Variants in USP19 observed in about 807,000 individuals in gnomAD.
USP19 encodes ubiquitin carboxyl-terminal hydrolase 19.
USP19 carries 40 observed loss-of-function variants against 144.8 expected under a neutral mutation model. That is an observed-to-expected ratio of 0.28 (90% CI 0.21 to 0.36). USP19 has a LOEUF of 0.36. Ranked by LOEUF, USP19 falls within the 10% of genes least tolerant of loss-of-function variation. The probability of loss-of-function intolerance (pLI) is 1.00; values close to 1 mark genes in which losing one functional copy is unlikely to be tolerated. For synonymous variants in USP19, 701 were observed against 709.3 expected (o/e 0.99, Z 0.19); for missense variants, 1,518 against 1,822.5 (o/e 0.83, Z 3.04).
In USP19 at chr3:49,117,985, C is replaced by G. The variant is rs761816638; in HGVS notation, c.260G>C (p.Gly87Ala). ...CTCCTCTTGAGGAGTGGATGCTGAC[C>G]CTGACGATGAAGGAAAGAACAGCCG... is the stretch of plus-strand genomic sequence containing the variant. ...RTRLFFPSSS[G>A]SASTPQEEQT... Residue 87 changes from glycine (G) to alanine (A), a missense_variant, in exon 3 of 27, where the codon GGG becomes GCG. Around this residue, in one of 5 missense-constraint regions of USP19, gnomAD observed 707 missense variants for 728.9 expected, o/e 0.97. Coordinates refer to ENST00000417901, the MANE Select transcript of USP19 (RefSeq NM_001199161.2). This position sits in a 1 kb window ranked among gnomAD's most constrained non-coding sequence, Gnocchi z 4.4. 17 of 1,609,548 alleles carry G rather than the reference C, an allele frequency of 1.1e-5. No homozygotes were observed. The East Asian group carries it at 2.0e-4, about 19-fold the overall frequency.
rs559453636 is a variant in USP19 at position 49,112,415 on chromosome 3, G to A, written c.2647-13C>T. ...GCACCTGGGGGCGCTAGGGTGGGTC[G>A]TCTGGCTCAGCAAGACCAGGAAGAA... is the stretch of plus-strand genomic sequence containing the variant. On this transcript the variant is annotated splice_polypyrimidine_tract_variant and intron_variant, in intron 18 of 26. Coordinates refer to ENST00000417901, the MANE Select transcript of USP19 (RefSeq NM_001199161.2). The surrounding 1 kb of genome is among the most constrained non-coding windows in gnomAD (Gnocchi z 4.9). The A allele has an allele frequency of 3.3e-5, 54 of 1,613,930 alleles. No homozygotes were observed. Among genetic ancestry groups the A allele is most frequent in the Non-Finnish European group, 4.1e-5 (48 of 1,179,948 alleles).
At position 49,116,524 on chromosome 3, in the gene USP19, C is replaced by T. The variant is rs370736724; in HGVS notation, c.1210G>A (p.Val404Met). The T allele has an allele frequency of 5.9e-5, 95 of 1,614,120 alleles. No individual in the cohort carries two copies. Among genetic ancestry groups the T allele is most frequent in the Non-Finnish European group, 7.5e-5 (89 of 1,180,046 alleles). ...GPDSVVVHVY[V>M]KEICRDTSRV... ...GAGGTGTCCCTGCAGATCTCCTTCA[C>T]GTACACGTGCACCACCACTGAATCC... is the stretch of plus-strand genomic sequence containing the variant. The change falls in exon 8 of 27, where the codon GTG (valine) becomes ATG (methionine). Residue 404 changes from valine (V) to methionine (M), a missense_variant. By Grantham distance (21) the Val-to-Met change is conservative. This residue lies in a region of USP19 where 707 missense variants were observed against 728.9 expected (regional missense o/e 0.97). Coordinates refer to ENST00000417901, the MANE Select transcript of USP19 (RefSeq NM_001199161.2). The surrounding 1 kb of genome is among the most constrained non-coding windows in gnomAD (Gnocchi z 5.0).
chr3:49,111,026 G>A lies in USP19; in HGVS notation c.3469C>T (p.Arg1157Trp), dbSNP rs748538179. 22 of 1,613,880 alleles carry A rather than the reference G, an allele frequency of 1.4e-5. No individual in the cohort carries two copies. The highest frequency in any genetic ancestry group is 2.2e-5 in the East Asian group (1 of 44,894). ...TGGTCCAGGGTGAAGTGGCCGGCCC[G>A]GGCAGCCTCACCGGCAGAGCCTGGA... ...EDPGSAGEAA[R>W]AGHFTLDQCL... Residue 1157 changes from arginine (R) to tryptophan (W), a missense_variant, in exon 23 of 27, where the codon CGG becomes TGG. By Grantham distance (101) the Arg-to-Trp change is moderately radical. Transcript: ENST00000417901. The surrounding 1 kb of genome is among the most constrained non-coding windows in gnomAD (Gnocchi z 5.9).
At chr3:49,113,893 C>T in intron 17 of USP19, 99 bp downstream of exon 17, 1 of 1,302,284 alleles carries the variant, frequency 7.7e-7, no homozygotes, top group Non-Finnish European at 1.1e-6. Flanking sequence ...TGTGCCCAGC[C>T]CATGTGTATG....
chr3:49,117,215 A>T lies in USP19; in HGVS notation c.753T>A (p.Arg251=). Residue 251 remains arginine, a synonymous_variant, in exon 6 of 27, where the codon CGT becomes CGA. Coordinates refer to ENST00000417901, the MANE Select transcript of USP19 (RefSeq NM_001199161.2). The surrounding 1 kb of genome is among the most constrained non-coding windows in gnomAD (Gnocchi z 4.4). ...EARNQKRAQG[R]GEVGAGAGPG... ...GGCCAGCCCCTGCGCCTACCTCACC[A>T]CGGCCCTGGGCCCGCTTCTGGTTCC... The T allele has an allele frequency of 6.5e-7, 1 of 1,548,118 alleles. No individual in the cohort carries two copies. Among genetic ancestry groups the T allele is most frequent in the Non-Finnish European group, 8.7e-7 (1 of 1,147,288 alleles).
Position 49,118,513 on chromosome 3 carries a change from G to A in USP19, c.125-393C>T, listed in dbSNP as rs949290665. Among the ~76,000 whole-genome samples, 12 of 151,598 alleles carry A rather than the reference G, an allele frequency of 7.9e-5. 1 individual carries two copies. The highest frequency in any genetic ancestry group is 7.9e-4 in the Admixed American group (12 of 15,224). ...AGGCAGCAGAATCACTTGAACCCGG[G>A]AGGCAGAGCCCGCAGTGAGCCAAGA... On this transcript the variant is annotated intron_variant, in intron 2 of 26. Transcript: ENST00000417901.
At position 49,114,353 on chromosome 3, in the gene USP19, G is replaced by A; in HGVS notation, c.2293-69C>T. ...GAGATAAGATGCTCATGCTCAGAGA[G>A]CCCATTCCGGGGCTTCTGATGGCTC... On this transcript the variant is annotated intron_variant, in intron 15 of 26. Coordinates refer to ENST00000417901, the MANE Select transcript of USP19 (RefSeq NM_001199161.2). This position sits in a 1 kb window ranked among gnomAD's most constrained non-coding sequence, Gnocchi z 4.5. 2 of 1,480,962 alleles carry A rather than the reference G, an allele frequency of 1.4e-6. No individual in the cohort carries two copies. The highest frequency in any genetic ancestry group is 1.4e-5 in the African/African-American group (1 of 71,836). 91.7% of individuals were successfully genotyped at this position (1,480,962 alleles called of 1,614,324 possible). A position where few individuals can be genotyped will look rare whatever the true frequency, so the allele number is the denominator to read the frequency against.
In USP19 at chr3:49,108,422, T is replaced by A; in HGVS notation, c.4145A>T (p.Glu1382Val). Reference sequence around the variant, plus strand: ...TCAGCCAGGGACCTGCTAATCCACCTCCTCCATGTTGCTGTAGGTGGGGGC... The same window carrying A: ...TCAGCCAGGGACCTGCTAATCCACCACCTCCATGTTGCTGTAGGTGGGGGC... ...RPAPTYSNME[E>V]VD The change falls in exon 27 of 27, where the codon GAG (glutamate) becomes GTG (valine). Residue 1382 changes from glutamate (E) to valine (V), a missense_variant. Around this residue, in one of 5 missense-constraint regions of USP19, gnomAD observed 118 missense variants for 100.2 expected, o/e 1.18. Coordinates refer to ENST00000417901, the MANE Select transcript of USP19 (RefSeq NM_001199161.2). The surrounding 1 kb of genome is among the most constrained non-coding windows in gnomAD (Gnocchi z 4.8). 1.4e-6 allele frequency: 2 copies of A among 1,391,140 alleles called. No individual in the cohort carries two copies. The highest frequency in any genetic ancestry group is 1.9e-6 in the Non-Finnish European group (2 of 1,057,322). 86.2% of individuals were successfully genotyped at this position (1,391,140 alleles called of 1,614,324 possible). A position where few individuals can be genotyped will look rare whatever the true frequency, so the allele number is the denominator to read the frequency against.
chr3:49,111,129 C>G lies in USP19; in HGVS notation c.3366G>C (p.Leu1122=), dbSNP rs746600848. 2 of 1,613,804 alleles carry G rather than the reference C, an allele frequency of 1.2e-6. No homozygotes were observed. Among genetic ancestry groups the G allele is most frequent in the Admixed American group, 1.7e-5 (1 of 60,024 alleles). The part of the protein sequence containing the change: ...TPLELGDDCS[L]ALVWRNNERL... ...GCTCATTGTTCCGCCAGACGAGAGCCAGGCTACAGTCGTCACCCAGCTCCA... is the reference window on the plus strand; with the variant it reads ...GCTCATTGTTCCGCCAGACGAGAGCGAGGCTACAGTCGTCACCCAGCTCCA... Residue 1122 remains leucine, a synonymous_variant, in exon 23 of 27, where the codon CTG becomes CTC. Coordinates refer to ENST00000417901, the MANE Select transcript of USP19 (RefSeq NM_001199161.2). This position sits in a 1 kb window ranked among gnomAD's most constrained non-coding sequence, Gnocchi z 5.9.
Position 49,108,656 on chromosome 3 carries a change from GAGAC to G in USP19, c.4039-132_4039-129del, listed in dbSNP as rs1397417291. ...GGCAGGCGCAGACAGCAGCGGCGTT[GAGAC>G]AGAGAGACGAGATTGGGCCTGAATA... On this transcript the variant is annotated intron_variant, in intron 26 of 26. Transcript: ENST00000417901. This position sits in a 1 kb window ranked among gnomAD's most constrained non-coding sequence, Gnocchi z 4.8. 1.6e-6 allele frequency: 2 copies of G among 1,284,214 alleles called. No homozygotes were observed. Among genetic ancestry groups the G allele is most frequent in the Non-Finnish European group, 2.0e-6 (2 of 1,014,910 alleles). 79.6% of individuals were successfully genotyped at this position (1,284,214 alleles called of 1,614,324 possible). A position where few individuals can be genotyped will look rare whatever the true frequency, so the allele number is the denominator to read the frequency against.
chr3:49,116,893 G>C lies in USP19; in HGVS notation c.960C>G (p.Cys320Trp). The part of the protein sequence containing the change: ...LCIPPLNSQT[C>W]LLGSEENLAP... The stretch of plus-strand genomic sequence containing the variant: ...CTAAATTCTCCTCTGAGCCCAGGAG[G>C]CAGGTTTGGGAGTTCAGCGGTGGTA... Residue 320 changes from cysteine to tryptophan, a missense_variant, in exon 7 of 27, where the codon TGC becomes TGG. Cys to Trp is a radical substitution (Grantham distance 215). This residue lies in a region of USP19 where 707 missense variants were observed against 728.9 expected (regional missense o/e 0.97). Coordinates refer to ENST00000417901, the MANE Select transcript of USP19 (RefSeq NM_001199161.2). This position sits in a 1 kb window ranked among gnomAD's most constrained non-coding sequence, Gnocchi z 5.0. 2 of 1,614,062 alleles carry C rather than the reference G, an allele frequency of 1.2e-6. No homozygotes were observed. The highest frequency in any genetic ancestry group is 1.7e-6 in the Non-Finnish European group (2 of 1,180,028).
Position 49,117,208 on chromosome 3 carries a change from C to A in USP19, c.760G>T (p.Val254Leu), listed in dbSNP as rs2044302738. The stretch of plus-strand genomic sequence containing the variant: ...GCCCCGGGGCCAGCCCCTGCGCCTA[C>A]CTCACCACGGCCCTGGGCCCGCTTC... ...NQKRAQGRGE[V>L]GAGAGPGAQA... The change falls in exon 6 of 27, where the codon GTA (valine) becomes TTA (leucine). Residue 254 changes from valine (V) to leucine (L), a missense_variant. Around this residue, in one of 5 missense-constraint regions of USP19, gnomAD observed 707 missense variants for 728.9 expected, o/e 0.97. Coordinates refer to ENST00000417901, the MANE Select transcript of USP19 (RefSeq NM_001199161.2). This position sits in a 1 kb window ranked among gnomAD's most constrained non-coding sequence, Gnocchi z 4.4. 3 of 1,548,262 alleles carry A rather than the reference C, an allele frequency of 1.9e-6. No individual in the cohort carries two copies. Among genetic ancestry groups the A allele is most frequent in the Non-Finnish European group, 2.6e-6 (3 of 1,147,264 alleles).
rs1415721800 is a variant in USP19 at position 49,108,715 on chromosome 3, G to A, written c.4039-187C>T. ...GGTTTTATTAACACTTTTAAGTACAGGAAGTAGCTTGGGCAGGGCCAAGCC... is the reference window on the plus strand; with the variant it reads ...GGTTTTATTAACACTTTTAAGTACAAGAAGTAGCTTGGGCAGGGCCAAGCC... On this transcript the variant is annotated intron_variant, in intron 26 of 26. Coordinates refer to ENST00000417901, the MANE Select transcript of USP19 (RefSeq NM_001199161.2). The surrounding 1 kb of genome is among the most constrained non-coding windows in gnomAD (Gnocchi z 4.8). The A allele has an allele frequency of 7.4e-7, 1 of 1,348,774 alleles. No homozygotes were observed. Among genetic ancestry groups the A allele is most frequent in the African/African-American group, 1.5e-5 (1 of 67,476 alleles). 83.6% of individuals were successfully genotyped at this position (1,348,774 alleles called of 1,614,324 possible).
chr3:49,120,256 G>A (rs2044981041), intron 1 of USP19, among the ~76,000 whole-genome samples: 1 of 152,334 alleles, frequency 6.6e-6, no homozygotes, highest in East Asian at 1.9e-4. Flanking sequence ...GTGTGTAAAG[G>A]AGGAAGGAGG....
Position 49,114,330 on chromosome 3 carries a change from G to A in USP19, c.2293-46C>T, listed in dbSNP as rs1335045791. The A allele has an allele frequency of 1.3e-6, 2 of 1,575,364 alleles. No individual in the cohort carries two copies. The highest frequency in any genetic ancestry group is 1.7e-6 in the Non-Finnish European group (2 of 1,147,406). ...CTGGGTAGCTGCACACAGAGTGGGAGATAAGATGCTCATGCTCAGAGAGCC... is the reference window on the plus strand; with the variant it reads ...CTGGGTAGCTGCACACAGAGTGGGAAATAAGATGCTCATGCTCAGAGAGCC... On this transcript the variant is annotated intron_variant, in intron 15 of 26. Transcript: ENST00000417901. This position sits in a 1 kb window ranked among gnomAD's most constrained non-coding sequence, Gnocchi z 4.5.
chr3:49,119,193 C>T lies in USP19; in HGVS notation c.-48G>A, dbSNP rs367714212. 21 of 1,590,282 alleles carry T rather than the reference C, an allele frequency of 1.3e-5. No homozygotes were observed. The highest frequency in any genetic ancestry group is 5.2e-5 in the Admixed American group (3 of 57,972). On this transcript the variant is annotated 5_prime_UTR_variant, in exon 2 of 27. Transcript: ENST00000417901. Reference sequence around the variant, plus strand: ...CAGAGTGCCCCGGGGTCGGCAACAGCGTCTGGGTCAGGGCTGCGGCGCTTT... The same window carrying T: ...CAGAGTGCCCCGGGGTCGGCAACAGTGTCTGGGTCAGGGCTGCGGCGCTTT...
Position 49,108,864 on chromosome 3 carries a change from A to C in USP19, c.4039-336T>G. On this transcript the variant is annotated intron_variant, in intron 26 of 26. Transcript: ENST00000417901. The surrounding 1 kb of genome is among the most constrained non-coding windows in gnomAD (Gnocchi z 4.8). ...CCTCTCCCACCAGATGCATAAGCTG[A>C]GGCCCAAAGCCCAGAGGTGTTCCCC... is the stretch of plus-strand genomic sequence containing the variant. The C allele has an allele frequency of 6.8e-7, 1 of 1,477,450 alleles. No individual in the cohort carries two copies. Among genetic ancestry groups the C allele is most frequent in the Non-Finnish European group, 9.0e-7 (1 of 1,112,924 alleles). The allele number at this position is 1,477,450 out of a possible 1,614,324, so 91.5% of individuals were successfully genotyped here.
At position 49,116,492 on chromosome 3, in the gene USP19, T is replaced by C. The variant is rs934542275; in HGVS notation, c.1242A>G (p.Val414=). 4.3e-6 allele frequency: 7 copies of C among 1,614,108 alleles called. No homozygotes were observed. Among genetic ancestry groups the C allele is most frequent in the Non-Finnish European group, 5.1e-6 (6 of 1,180,044 alleles). ...GCGTGAAGTCCTGCTCACGGAAAAGTACTCTTGAGGTGTCCCTGCAGATCT... is the reference window on the plus strand; with the variant it reads ...GCGTGAAGTCCTGCTCACGGAAAAGCACTCTTGAGGTGTCCCTGCAGATCT... The part of the protein sequence containing the change: ...VKEICRDTSR[V]LFREQDFTLI... The change falls in exon 8 of 27, where the codon GTA becomes GTG. Residue 414 remains valine (V), a synonymous_variant. Coordinates refer to ENST00000417901, the MANE Select transcript of USP19 (RefSeq NM_001199161.2). This position sits in a 1 kb window ranked among gnomAD's most constrained non-coding sequence, Gnocchi z 5.0.
chr3:49,112,400 G>T lies in USP19; in HGVS notation c.2649C>A (p.Arg883=). 1 of 1,613,992 alleles carries T rather than the reference G, an allele frequency of 6.2e-7. No homozygotes were observed. The highest frequency in any genetic ancestry group is 8.5e-7 in the Non-Finnish European group (1 of 1,179,944). ...AGATGGGGACGCTGGGCACCTGGGG[G>T]CGCTAGGGTGGGTCGTCTGGCTCAG... ...ERVVVLEVQQ[R]PQVPSVPISK... Residue 883 remains arginine, a splice_region_variant and synonymous_variant, in exon 19 of 27, where the codon CGC becomes CGA. Transcript: ENST00000417901. This position sits in a 1 kb window ranked among gnomAD's most constrained non-coding sequence, Gnocchi z 4.9.
Sources: allele counts gnomAD v4.1 joint callset (sites outside exome capture counted in the v4.1 genomes callset), GRCh38; gene constraint gnomAD v4.1.1; regional missense constraint gnomAD v4.1.1; non-coding constraint Gnocchi (gnomAD v3.1); transcripts MANE v1.5; gene names NCBI Gene and HGNC (gene_info 2026-07-23, HGNC 2026-07-21).